Variants in KANSL1 observed in about 807,000 individuals in gnomAD.
KANSL1 encodes the protein MLL1/MLL complex subunit KANSL1.
KANSL1 carries 22 observed loss-of-function variants against 103.6 expected under a neutral mutation model. The observed-to-expected ratio is 0.21, with a 90% CI of 0.15 to 0.30. KANSL1 has a LOEUF of 0.30. KANSL1 is among the 10% of genes least tolerant of loss of function. The probability of loss-of-function intolerance (pLI) is 1.00; values close to 1 mark genes in which losing one functional copy is unlikely to be tolerated. For synonymous variants in KANSL1, 600 were observed against 527.6 expected, an observed-to-expected ratio of 1.14 and a Z score of -1.88; for missense variants, 1,337 against 1,399.8, an observed-to-expected ratio of 0.96 and a Z score of 0.72.
intron 4 of KANSL1, among the ~76,000 whole-genome samples, chr17:46,075,810 T>C (rs1449639904): frequency 3.9e-5 from 6 of 152,166 alleles, no homozygotes; most frequent in African/African-American, 1.4e-4. Context: ...AGAAAAGTAT[T>C]TGCAGTTACC....
chr17:46,103,319 G>A (rs1420410970), intron 2 of KANSL1, among the ~76,000 whole-genome samples: 7 of 152,126 alleles, frequency 4.6e-5, no homozygotes, highest in Non-Finnish European at 1.0e-4. Context: ...AACTTTTGGC[G>A]AATCCTACCT....
rs1324578167 is a variant in KANSL1 at position 46,140,295 on chromosome 17, GA to G, written c.1289+30559del. On this transcript the variant is annotated intron_variant, in intron 2 of 14. Coordinates refer to ENST00000432791, the MANE Select transcript of KANSL1 (RefSeq NM_015443.4). The stretch of plus-strand genomic sequence containing the variant: ...TTTACATTGTAAAACACATGATGGG[GA>G]AAAAAAGGTCTTTACAATAAATATG... 5.9e-5 allele frequency among the ~76,000 whole-genome samples: 9 copies of G among 151,894 alleles called. No homozygotes were observed. The South Asian group carries it at 1.9e-3, about 31-fold the overall frequency.
At chr17:46,113,123 G>A (rs1028649419) in intron 2 of KANSL1, among the ~76,000 whole-genome samples, 1 of 152,178 alleles carries the variant, frequency 6.6e-6, no homozygotes, top group Non-Finnish European at 1.5e-5. Flanking sequence ...ACAACTGGGG[G>A]TGGGGGGATG....
In KANSL1 at chr17:46,171,782, C is replaced by T. The variant is rs747500833; in HGVS notation, c.362G>A (p.Arg121Gln). The change falls in exon 2 of 15, where the codon CGA (arginine) becomes CAA (glutamine). Residue 121 changes from arginine (R) to glutamine (Q), a missense_variant. Arg to Gln is a conservative substitution (Grantham distance 43, BLOSUM62 1). Transcript: ENST00000432791. ...TGGCTGTCTCCCCAACAGCTCAGCT[C>T]GGAGTTCATAGGACTGAGATAAGAG... ...HPLLSQSYEL[R>Q]AELLGRQPVL... 34 of 1,610,620 alleles carry T rather than the reference C, an allele frequency of 2.1e-5. No homozygotes were observed. Among genetic ancestry groups the T allele is most frequent in the South Asian group, 5.5e-5 (5 of 90,830 alleles).
intron 2 of KANSL1, among the ~76,000 whole-genome samples, chr17:46,109,694 A>G (rs2042721280): frequency 6.6e-6 from 1 of 152,238 alleles, no homozygotes; most frequent in African/African-American, 2.4e-5. Flanking sequence ...TTTCAATGAC[A>G]TAACATTTTT....
chr17:46,077,553 CATG>C (rs2078825631), intron 4 of KANSL1, among the ~76,000 whole-genome samples: 1 of 151,820 alleles, frequency 6.6e-6, no homozygotes, highest in Non-Finnish European at 1.5e-5. Context: ...CTTGAAGTTT[CATG>C]ATTTTTTTAT....
In KANSL1 at chr17:46,204,412, CGGAG is replaced by C. The variant is rs1387238830; in HGVS notation, c.-90+19255_-90+19258del. 1.1e-3 allele frequency among the ~76,000 whole-genome samples: 173 copies of C among 152,208 alleles called. 1 individual carries two copies. Among genetic ancestry groups the C allele is most frequent in the Non-Finnish European group, 1.3e-3 (87 of 68,018 alleles). On this transcript the variant is annotated intron_variant, in intron 1 of 14. Transcript: ENST00000572904. ...CCTGGGAAGTGGAGGTTGCAGTGAG[CGGAG>C]ATCACACCACTGCACTCCAGCCTGG...
At chr17:46,110,694 T>G (rs1393118228) in intron 2 of KANSL1, among the ~76,000 whole-genome samples, 2 of 152,190 alleles carry the variant, frequency 1.3e-5, no homozygotes, top group African/African-American at 4.8e-5. Flanking sequence ...AGTATTTGAT[T>G]GTCAAATATA....
At chr17:46,115,423 T>C (rs1477745399) in intron 2 of KANSL1, among the ~76,000 whole-genome samples, 1 of 143,306 alleles carries the variant, frequency 7.0e-6, no homozygotes, top group Non-Finnish European at 1.5e-5. Context: ...TTACTACAGA[T>C]GAGAAAATAG....
intron 6 of KANSL1, among the ~76,000 whole-genome samples, chr17:46,057,024 C>T (rs891974368): frequency 2.0e-5 from 3 of 152,006 alleles, no homozygotes; most frequent in African/African-American, 7.3e-5. Context: ...ACGGTCATCC[C>T]GTCTAGAAAA....
intron 2 of KANSL1, among the ~76,000 whole-genome samples, chr17:46,146,243 T>C (rs573641503): frequency 9.8e-5 from 15 of 152,318 alleles, no homozygotes; most frequent in African/African-American, 3.4e-4. Context: ...AGACGTCTAG[T>C]TTTCATGAGA....
At chr17:46,218,761 C>A (rs1199624923) in intron 1 of KANSL1, among the ~76,000 whole-genome samples, 5 of 150,344 alleles carry the variant, frequency 3.3e-5, no homozygotes, top group African/African-American at 1.2e-4. Context: ...CCAGCCTGGG[C>A]GACACAGCAA....
At chr17:46,089,134 G>A (rs17660228) in intron 3 of KANSL1, among the ~76,000 whole-genome samples, 21,686 of 151,936 alleles carry the variant, frequency 0.14, 2,131 homozygotes, top group Non-Finnish European at 0.22. Flanking sequence ...CTCAAGGTAC[G>A]TATATTGTTT....
At chr17:46,042,592 G>A (rs1043833877) in intron 7 of KANSL1, 1 of 152,152 alleles carries the variant, frequency 6.6e-6, no homozygotes, top group Non-Finnish European at 1.5e-5. Flanking sequence ...GGATTCTGTA[G>A]TAAAGTCAAT....
At chr17:46,053,750 C>A (rs952905751) in intron 6 of KANSL1, among the ~76,000 whole-genome samples, 1 of 152,098 alleles carries the variant, frequency 6.6e-6, no homozygotes, top group African/African-American at 2.4e-5. Flanking sequence ...ATATTTAATA[C>A]TTATTAAAGG....
chr17:46,099,418 AGT>A (rs2042218686), intron 2 of KANSL1, among the ~76,000 whole-genome samples: 1 of 152,214 alleles, frequency 6.6e-6, no homozygotes, highest in Non-Finnish European at 1.5e-5. Context: ...CAATATTCGA[AGT>A]GTAAATTTAT....
intron 3 of KANSL1, chr17:46,092,845 T>C (rs2079463593): frequency 6.6e-6 from 1 of 152,074 alleles, no homozygotes; most frequent in African/African-American, 2.4e-5. Context: ...TAAATCAAGA[T>C]GCATTTTACA....
chr17:46,137,523 T>A (rs1233790149), intron 2 of KANSL1, among the ~76,000 whole-genome samples: 2 of 152,208 alleles, frequency 1.3e-5, no homozygotes, highest in Non-Finnish European at 2.9e-5. Flanking sequence ...TCGATACAAT[T>A]GTCATAAAAG....
At chr17:46,135,603 G>A (rs2044096937) in intron 2 of KANSL1, among the ~76,000 whole-genome samples, 1 of 145,238 alleles carries the variant, frequency 6.9e-6, no homozygotes, top group South Asian at 2.2e-4. Flanking sequence ...GGAGTACGGA[G>A]CCATAATCAT....
Sources: gnomAD v4.1 joint callset for allele counts (sites outside exome capture counted in the v4.1 genomes callset) on GRCh38, gnomAD v4.1.1 for gene constraint, MANE v1.5 for transcripts, NCBI Gene and HGNC (gene_info 2026-07-23, HGNC 2026-07-21) for gene names.